STPG2: variants seen among roughly 807,000 people sequenced by gnomAD.
STPG2 encodes the protein sperm tail PG-rich repeat containing 2.
Under a neutral mutation model 54.2 loss-of-function variants are expected in STPG2, and 56 were observed. That is an observed-to-expected ratio of 1.03 (90% CI 0.83 to 1.29). The LOEUF (loss-of-function observed/expected upper bound fraction) is 1.29. STPG2 is among the 50% of genes most tolerant of loss of function. STPG2 has a pLI of 0.00. For missense variants in STPG2, 596 were observed against 544.9 expected, an observed-to-expected ratio of 1.09 and a Z score of -0.93; for synonymous variants, 200 against 181.8, an observed-to-expected ratio of 1.10 and a Z score of -0.81.
chr4:97,535,595 T>C (rs144864722), intron 4 of STPG2, among the ~76,000 whole-genome samples: 1 of 152,314 alleles, frequency 6.6e-6, no homozygotes, highest in Non-Finnish European at 1.5e-5. Flanking sequence ...GTATTGTCTC[T>C]GTTCAGAAGT....
intron 10 of STPG2, among the ~76,000 whole-genome samples, chr4:97,623,263 TG>T (rs1300061815): frequency 6.6e-6 from 1 of 151,862 alleles, no homozygotes; most frequent in Non-Finnish European, 1.5e-5. Flanking sequence ...AACAGATAAA[TG>T]GGACCTAATT....
chr4:97,617,566 G>T (rs966114293), intron 10 of STPG2, among the ~76,000 whole-genome samples: 1 of 152,118 alleles, frequency 6.6e-6, no homozygotes, highest in Admixed American at 6.6e-5. Context: ...AGATTCAAGG[G>T]TTAAGCAGAG....
chr4:97,630,786 T>G (rs1721248180), intron 10 of STPG2, among the ~76,000 whole-genome samples: 1 of 151,758 alleles, frequency 6.6e-6, no homozygotes, highest in East Asian at 1.9e-4. Flanking sequence ...CTCATGTTTG[T>G]TTTTTTAATC....
chr4:97,602,674 G>A (rs972048494), intron 10 of STPG2, among the ~76,000 whole-genome samples: 1 of 151,314 alleles, frequency 6.6e-6, no homozygotes, highest in Non-Finnish European at 1.5e-5. Flanking sequence ...ATGGTTTTTT[G>A]GCATCTACTG....
chr4:98,102,823 C>G (rs1243068837), intron 5 of STPG2, among the ~76,000 whole-genome samples: 2 of 121,302 alleles, frequency 1.6e-5, no homozygotes, highest in Non-Finnish European at 3.6e-5. Context: ...ATATATATAA[C>G]ATATATTAAT....
intron 7 of STPG2, among the ~76,000 whole-genome samples, chr4:97,965,291 G>T (rs1348395642): frequency 6.6e-6 from 1 of 152,140 alleles, no homozygotes; most frequent in Admixed American, 6.5e-5. Context: ...CAGGGGGAGG[G>T]GTGTCTGCCA....
At chr4:97,536,268 C>G (rs1731528610) in intron 4 of STPG2, among the ~76,000 whole-genome samples, 1 of 152,120 alleles carries the variant, frequency 6.6e-6, no homozygotes. Flanking sequence ...GGGTCCCTAC[C>G]CAGACTTCAT....
chr4:97,854,544 C>T (rs1231888699), intron 8 of STPG2, among the ~76,000 whole-genome samples: 7 of 149,182 alleles, frequency 4.7e-5, no homozygotes, highest in Admixed American at 2.7e-4. Flanking sequence ...TTTTTTTACA[C>T]TAGCAAATAT....
intron 8 of STPG2, among the ~76,000 whole-genome samples, chr4:97,848,958 G>C (rs1178487098): frequency 1.3e-5 from 2 of 148,884 alleles, no homozygotes; most frequent in Non-Finnish European, 3.0e-5. Context: ...TGTTCTTTTG[G>C]CTTAGGATTG....
intron 7 of STPG2, among the ~76,000 whole-genome samples, chr4:97,966,632 G>C (rs1368403081): frequency 6.6e-6 from 1 of 152,078 alleles, no homozygotes; most frequent in Non-Finnish European, 1.5e-5. Context: ...AGAAAGGTCG[G>C]GTTACCCACA....
At chr4:97,805,151 T>A (rs2149092935) in intron 9 of STPG2, among the ~76,000 whole-genome samples, 1 of 152,244 alleles carries the variant, frequency 6.6e-6, no homozygotes, top group East Asian at 1.9e-4. Context: ...GAAACAGAAC[T>A]CCTCAAAACC....
At position 97,799,669 on chromosome 4, in the gene STPG2, G is replaced by A. The variant is rs371817052; in HGVS notation, c.1204+41104C>T. On this transcript the variant is annotated intron_variant, in intron 9 of 10. Transcript: ENST00000295268. ...ACTGACAATTATGTGTCTTGGAGTTGCTCTTCTCAAGGAGTATCTTTGTGG... is the reference window on the plus strand; with the variant it reads ...ACTGACAATTATGTGTCTTGGAGTTACTCTTCTCAAGGAGTATCTTTGTGG... Among the ~76,000 whole-genome samples, 15 of 152,226 alleles carry A rather than the reference G, an allele frequency of 9.9e-5. No homozygotes were observed. In the East Asian group the frequency reaches 2.9e-3, roughly 29 times the overall value.
chr4:98,045,754 C>A (rs563509033), intron 5 of STPG2, among the ~76,000 whole-genome samples: 29 of 151,940 alleles, frequency 1.9e-4, no homozygotes, highest in African/African-American at 6.8e-4. Flanking sequence ...TGTCTTATGG[C>A]GCTCCCATGT....
intron 10 of STPG2, among the ~76,000 whole-genome samples, chr4:97,590,998 A>G (rs138196237): frequency 6.6e-6 from 1 of 152,332 alleles, no homozygotes; most frequent in Non-Finnish European, 1.5e-5. Flanking sequence ...TCTTCACTAA[A>G]CAATTATATT....
intron 5 of STPG2, among the ~76,000 whole-genome samples, chr4:98,057,970 G>A (rs889099679): frequency 6.6e-6 from 1 of 152,172 alleles, no homozygotes; most frequent in African/African-American, 2.4e-5. Context: ...TCAAAGTGAA[G>A]AAGAAATAAT....
intron 5 of STPG2, chr4:98,025,382 G>T: frequency 2.9e-6 from 1 of 349,400 alleles, no homozygotes; most frequent in Non-Finnish European, 5.6e-6. Context: ...GCAGGCCTTT[G>T]TTCCACAGTT....
chr4:97,683,333 A>C (rs1470998751), intron 10 of STPG2, among the ~76,000 whole-genome samples: 3 of 151,778 alleles, frequency 2.0e-5, no homozygotes, highest in Non-Finnish European at 4.4e-5. Flanking sequence ...ATTTCCAGAG[A>C]ATCATGCTTC....
At chr4:97,637,824 C>A (rs1460721590) in intron 10 of STPG2, among the ~76,000 whole-genome samples, 1 of 152,136 alleles carries the variant, frequency 6.6e-6, no homozygotes, top group Non-Finnish European at 1.5e-5. Flanking sequence ...CTACAAACTG[C>A]TGCTCAAGGA....
At chr4:97,541,148 G>C (rs984668591) in intron 4 of STPG2, among the ~76,000 whole-genome samples, 1 of 152,016 alleles carries the variant, frequency 6.6e-6, no homozygotes, top group Non-Finnish European at 1.5e-5. Context: ...GGAAATAAAG[G>C]GTATTCAATT....
Sources: allele counts gnomAD v4.1 joint callset (sites outside exome capture counted in the v4.1 genomes callset), GRCh38; gene constraint gnomAD v4.1.1; transcripts MANE v1.5; gene names NCBI Gene and HGNC (gene_info 2026-07-23, HGNC 2026-07-21).